Variants in ZFPM2 observed in about 807,000 individuals in gnomAD.
ZFPM2 encodes the protein zinc finger protein ZFPM2.
In ZFPM2, 20 loss-of-function variants were observed where a neutral mutation model predicts 98.6. The observed-to-expected ratio is 0.20, with a 90% CI of 0.14 to 0.29. ZFPM2 has a LOEUF of 0.29. Ranked by LOEUF, ZFPM2 falls within the 10% of genes least tolerant of loss-of-function variation. The pLI is 1.00. For missense variants in ZFPM2, 1,310 were observed against 1,388.6 expected, an observed-to-expected ratio of 0.94 and a Z score of 0.90; for synonymous variants, 518 against 502.7, an observed-to-expected ratio of 1.03 and a Z score of -0.41.
chr8:105,451,530 A>C (rs929501858), intron 3 of ZFPM2: 1 of 152,172 alleles, frequency 6.6e-6, no homozygotes, highest in African/African-American at 2.4e-5. Context: ...TGGACCCTTA[A>C]TCCAGTATAA....
At chr8:105,330,571 T>TAC (rs1347446913) in intron 1 of ZFPM2, among the ~76,000 whole-genome samples, 2 of 91,254 alleles carry the variant, frequency 2.2e-5, no homozygotes, top group South Asian at 3.4e-4. Context: ...TATATATACA[T>TAC]ATATATATAC....
chr8:105,602,678 T>G (rs1337809190), intron 4 of ZFPM2, among the ~76,000 whole-genome samples: 1 of 151,996 alleles, frequency 6.6e-6, no homozygotes, highest in Non-Finnish European at 1.5e-5. Flanking sequence ...TGTGTGTACA[T>G]ACTATATATT....
intron 5 of ZFPM2, among the ~76,000 whole-genome samples, chr8:105,785,470 T>A (rs1813389297): frequency 9.2e-6 from 1 of 109,238 alleles, no homozygotes; most frequent in Admixed American, 8.1e-5. Context: ...ACCCTAAGTT[T>A]CCTTTGGGAA....
chr8:105,561,535 G>T, intron 4 of ZFPM2, 54 bp downstream of exon 4: 1 of 1,351,636 alleles, frequency 7.4e-7, no homozygotes, highest in Non-Finnish European at 1.0e-6. Context: ...TTAGTATTTT[G>T]CCATAGCTCA....
At chr8:105,542,652 C>T (rs953324091) in intron 3 of ZFPM2, among the ~76,000 whole-genome samples, 1 of 152,042 alleles carries the variant, frequency 6.6e-6, no homozygotes, top group Non-Finnish European at 1.5e-5. Flanking sequence ...CTTGAATGTG[C>T]GTAGATTTTG....
At chr8:105,616,912 T>G (rs1387317631) in intron 4 of ZFPM2, among the ~76,000 whole-genome samples, 1 of 150,398 alleles carries the variant, frequency 6.6e-6, no homozygotes, top group Non-Finnish European at 1.5e-5. Context: ...CTGCTACTCA[T>G]GAGACTGAGA....
Position 105,460,991 on chromosome 8 carries a change from C to G in ZFPM2, c.301+16610C>G, listed in dbSNP as rs1419859544. 2.6e-5 allele frequency among the ~76,000 whole-genome samples: 4 copies of G among 151,684 alleles called. No homozygotes were observed. The East Asian group carries it at 7.7e-4, about 29-fold the overall frequency. ...AGAAAAAAATTTTGATTATCAAGAA[C>G]AAGTAGACATTTTTTAAAAGCTTGA... On this transcript the variant is annotated intron_variant, in intron 3 of 7. Transcript: ENST00000407775.
intron 5 of ZFPM2, among the ~76,000 whole-genome samples, chr8:105,636,869 T>C (rs1368326090): frequency 6.6e-6 from 1 of 152,210 alleles, no homozygotes; most frequent in African/African-American, 2.4e-5. Flanking sequence ...CTGTAATAAC[T>C]ACTGCGTATG....
intron 1 of ZFPM2, among the ~76,000 whole-genome samples, chr8:105,418,391 G>A (rs893495009): frequency 6.6e-6 from 1 of 152,104 alleles, no homozygotes; most frequent in East Asian, 1.9e-4. Context: ...CTTCAGATCG[G>A]TCTGAACAAC....
intron 6 of ZFPM2, among the ~76,000 whole-genome samples, chr8:105,794,346 C>A (rs1813723706): frequency 6.6e-6 from 1 of 152,214 alleles, no homozygotes. Context: ...AGGTCCACTC[C>A]AGATGCTGTT....
intron 1 of ZFPM2, among the ~76,000 whole-genome samples, chr8:105,325,794 A>G (rs1343416995): frequency 1.3e-5 from 2 of 151,824 alleles, no homozygotes; most frequent in African/African-American, 4.8e-5. Context: ...GAGATGACAA[A>G]AAGGTAGAGA....
intron 3 of ZFPM2, among the ~76,000 whole-genome samples, chr8:105,468,477 A>G (rs1238970071): frequency 2.6e-5 from 4 of 151,852 alleles, no homozygotes; most frequent in African/African-American, 9.7e-5. Flanking sequence ...TTACTTTGCA[A>G]CCTCAATGAG....
At chr8:105,664,360 T>A (rs188234447) in intron 5 of ZFPM2, among the ~76,000 whole-genome samples, 30 of 144,550 alleles carry the variant, frequency 2.1e-4, no homozygotes, top group African/African-American at 3.3e-4. Flanking sequence ...TGTGTGTGTG[T>A]GACAGAGTTT....
At chr8:105,635,764 A>G (rs990907398) in intron 5 of ZFPM2, among the ~76,000 whole-genome samples, 5 of 152,228 alleles carry the variant, frequency 3.3e-5, no homozygotes, top group African/African-American at 1.2e-4. Context: ...TTGTATCAAT[A>G]TAGTATGGGG....
intron 5 of ZFPM2, among the ~76,000 whole-genome samples, chr8:105,714,033 G>A (rs1811462176): frequency 6.6e-6 from 1 of 151,996 alleles, no homozygotes; most frequent in South Asian, 2.1e-4. Flanking sequence ...TGTTGAATCT[G>A]TAGATTGTTT....
intron 1 of ZFPM2, among the ~76,000 whole-genome samples, chr8:105,378,455 T>C (rs2129853515): frequency 6.6e-6 from 1 of 152,356 alleles, no homozygotes; most frequent in South Asian, 2.1e-4. Context: ...TTAATATTTG[T>C]GTACATGCCT....
intron 5 of ZFPM2, among the ~76,000 whole-genome samples, chr8:105,743,338 G>C (rs1288294848): frequency 6.6e-6 from 1 of 152,164 alleles, no homozygotes; most frequent in Middle Eastern, 3.4e-3. Context: ...CCATGGGGGT[G>C]AGGGCCATGG....
Position 105,556,355 on chromosome 8 carries a change from G to C in ZFPM2, c.302-5008G>C, listed in dbSNP as rs146332421. On this transcript the variant is annotated intron_variant, in intron 3 of 7. Transcript: ENST00000407775. ...GTTGGATGTGATAATGGAAGTATAT[G>C]GACATGCTCTTAGAATTCTTCAATT... Among the ~76,000 whole-genome samples the C allele has an allele frequency of 6.1e-3, 936 of 152,244 alleles. 6 individuals are homozygous for C. Among genetic ancestry groups the C allele is most frequent in the African/African-American group, 0.021 (856 of 41,546 alleles).
Position 105,803,352 on chromosome 8 carries a change from C to T in ZFPM2, c.3270C>T (p.Val1090=). Residue 1090 remains valine, a synonymous_variant, in exon 8 of 8, where the codon GTC becomes GTT. Transcript: ENST00000407775. Reference sequence around the variant, plus strand: ...ACCCATTAGCTGCCAATGAGAATGTCTCACCAGGAATTCCCTCAGCAGAGG... The same window carrying T: ...ACCCATTAGCTGCCAATGAGAATGTTTCACCAGGAATTCCCTCAGCAGAGG... The part of the protein sequence containing the change: ...SENPLAANEN[V]SPGIPSAEEQ... The T allele has an allele frequency of 6.2e-7, 1 of 1,610,304 alleles. No individual in the cohort carries two copies. The highest frequency in any genetic ancestry group is 1.1e-5 in the South Asian group (1 of 90,670).
Sources: gnomAD v4.1 joint callset for allele counts (sites outside exome capture counted in the v4.1 genomes callset) on GRCh38, gnomAD v4.1.1 for gene constraint, MANE v1.5 for transcripts, NCBI Gene and HGNC (gene_info 2026-07-23, HGNC 2026-07-21) for gene names.